HS3ST5: variants seen among roughly 807,000 people sequenced by gnomAD.
HS3ST5 encodes the protein heparan sulfate-glucosamine 3-sulfotransferase 5, also known as heparan sulfate glucosamine 3-O-sulfotransferase 5.
A neutral mutation model predicts 25.4 loss-of-function variants in HS3ST5; 10 were observed. The observed-to-expected ratio is 0.39, with a 90% CI of 0.24 to 0.67. HS3ST5 has a LOEUF of 0.67. Ranked by LOEUF, HS3ST5 falls within the 30% of genes least tolerant of loss-of-function variation. HS3ST5 has a pLI of 0.44. For missense variants in HS3ST5, 324 were observed against 420.7 expected (o/e 0.77, Z 2.01); for synonymous variants, 170 against 162.4 (o/e 1.05, Z -0.36).
At chr6:114,179,654 G>GTTT (rs5879251) in intron 2 of HS3ST5, among the ~76,000 whole-genome samples, 2 of 91,612 alleles carry the variant, frequency 2.2e-5, no homozygotes, top group Admixed American at 1.1e-4. Flanking sequence ...ATTAGTCAGG[G>GTTT]TTTTTTTTTT....
intron 1 of HS3ST5, among the ~76,000 whole-genome samples, chr6:114,323,655 G>A (rs1398432397): frequency 1.3e-5 from 2 of 152,026 alleles, no homozygotes; most frequent in Admixed American, 6.6e-5. Context: ...TGCATGTTAC[G>A]GGTTTAATAT....
At chr6:114,331,569 A>G (rs1776397537) in intron 1 of HS3ST5, among the ~76,000 whole-genome samples, 2 of 152,142 alleles carry the variant, frequency 1.3e-5, no homozygotes, top group South Asian at 4.1e-4. Context: ...ATGTCTTTAG[A>G]GAATAGTGTA....
chr6:114,109,737 G>A (rs757322432), intron 3 of HS3ST5, among the ~76,000 whole-genome samples: 16 of 152,160 alleles, frequency 1.1e-4, no homozygotes, highest in South Asian at 2.1e-4. Context: ...GTCTTAGAGC[G>A]TACTGACTGC....
At chr6:114,324,048 A>C (rs969118751) in intron 1 of HS3ST5, among the ~76,000 whole-genome samples, 1 of 152,152 alleles carries the variant, frequency 6.6e-6, no homozygotes, top group Non-Finnish European at 1.5e-5. Context: ...CTGAGAGTAT[A>C]AGATTCAAGA....
intron 3 of HS3ST5, among the ~76,000 whole-genome samples, chr6:114,116,764 TCTTA>T (rs1392619856): frequency 3.9e-5 from 6 of 152,206 alleles, no homozygotes; most frequent in African/African-American, 1.2e-4. Context: ...CTGACCTAAC[TCTTA>T]CTTAATGAGT....
intron 1 of HS3ST5, among the ~76,000 whole-genome samples, chr6:114,269,243 C>T (rs919854917): frequency 1.3e-5 from 2 of 152,158 alleles, no homozygotes; most frequent in African/African-American, 2.4e-5. Context: ...AAAACAGACT[C>T]ACAGTGATTA....
chr6:114,225,894 AGCTTAT>A (rs1304595450), intron 2 of HS3ST5, among the ~76,000 whole-genome samples: 4 of 151,942 alleles, frequency 2.6e-5, no homozygotes, highest in African/African-American at 4.8e-5. Flanking sequence ...AAAATTACAC[AGCTTAT>A]GCTTACAACA....
intron 1 of HS3ST5, among the ~76,000 whole-genome samples, chr6:114,256,768 C>T (rs947285912): frequency 2.6e-5 from 4 of 152,214 alleles, no homozygotes; most frequent in Non-Finnish European, 5.9e-5. Flanking sequence ...GCCTGTTACC[C>T]AGTTGCAAAG....
intron 3 of HS3ST5, chr6:114,132,141 A>T (rs1325697875): frequency 6.6e-6 from 1 of 152,228 alleles, no homozygotes; most frequent in African/African-American, 2.4e-5. Context: ...AAAATGAGAA[A>T]GATAAGTATT....
intron 3 of HS3ST5, among the ~76,000 whole-genome samples, chr6:114,138,508 G>A (rs1358678552): frequency 6.6e-6 from 1 of 152,182 alleles, no homozygotes; most frequent in Admixed American, 6.5e-5. Flanking sequence ...CCCAGCGTTA[G>A]GAGAAGCTGA....
At chr6:114,063,926 A>C (rs1773295176) in intron 3 of HS3ST5, among the ~76,000 whole-genome samples, 2 of 152,182 alleles carry the variant, frequency 1.3e-5, no homozygotes, top group Admixed American at 1.3e-4. Context: ...ATCATGAAAG[A>C]AGCTTACCTG....
chr6:114,266,106 T>C (rs185719606), intron 1 of HS3ST5, among the ~76,000 whole-genome samples: 1 of 152,286 alleles, frequency 6.6e-6, no homozygotes, highest in Non-Finnish European at 1.5e-5. Context: ...TGCTTTAAGA[T>C]TTGCTTCCTA....
intron 2 of HS3ST5, among the ~76,000 whole-genome samples, chr6:114,188,869 T>A (rs1463893238): frequency 6.6e-6 from 1 of 152,168 alleles, no homozygotes; most frequent in Admixed American, 6.5e-5. Flanking sequence ...AGCATTAGGT[T>A]TTCTGTTAAT....
chr6:114,330,998 T>C (rs898332608), intron 1 of HS3ST5, among the ~76,000 whole-genome samples: 7 of 152,238 alleles, frequency 4.6e-5, no homozygotes, highest in African/African-American at 1.7e-4. Flanking sequence ...TCTCTCAGTA[T>C]GGATTGTAAG....
chr6:114,330,000 ATTC>A (rs1418922292), intron 1 of HS3ST5, among the ~76,000 whole-genome samples: 1 of 152,208 alleles, frequency 6.6e-6, no homozygotes, highest in East Asian at 1.9e-4. Context: ...ACACACTTGC[ATTC>A]TTCTTCCTGC....
chr6:114,202,960 A>G (rs908187346), intron 2 of HS3ST5, among the ~76,000 whole-genome samples: 7 of 152,206 alleles, frequency 4.6e-5, no homozygotes, highest in Non-Finnish European at 1.0e-4. Context: ...AACTTCAAAA[A>G]TTTTAACCAA....
rs142441079 is a variant in HS3ST5, at chr6:114,298,933, T to C, written c.-339+43262A>G. ...CGTTAACTGCACAAATTGTAGAGCA[T>C]GCGTGTTTGAACAATATGAAATCTG... On this transcript the variant is annotated intron_variant, in intron 1 of 4. Transcript: ENST00000312719. Among the ~76,000 whole-genome samples, 129 of 152,240 alleles carry C rather than the reference T, an allele frequency of 8.5e-4. 1 individual carries two copies. The highest frequency in any genetic ancestry group is 1.5e-3 in the Non-Finnish European group (99 of 68,026).
chr6:114,124,645 T>A (rs1203564048), intron 3 of HS3ST5, among the ~76,000 whole-genome samples: 2 of 151,612 alleles, frequency 1.3e-5, no homozygotes, highest in Non-Finnish European at 2.9e-5. Context: ...TTTTTTTTTT[T>A]AATCAAATGG....
chr6:114,234,020 G>A (rs1771735809), intron 1 of HS3ST5, among the ~76,000 whole-genome samples: 1 of 152,186 alleles, frequency 6.6e-6, no homozygotes, highest in South Asian at 2.1e-4. Flanking sequence ...AGTGTTAGCT[G>A]TAGCCAGATA....
Sources: gnomAD v4.1 joint callset for allele counts (sites outside exome capture counted in the v4.1 genomes callset) on GRCh38, gnomAD v4.1.1 for gene constraint, MANE v1.5 for transcripts, NCBI Gene and HGNC (gene_info 2026-07-23, HGNC 2026-07-21) for gene names.